The following PHTF2 variants were observed in gnomAD, a reference collection of about 807,000 sequenced individuals.
The protein encoded by PHTF2 is protein PHTF2.
A neutral mutation model predicts 101.2 loss-of-function variants in PHTF2; 60 were observed. The ratio of observed to expected loss-of-function variants is 0.59; its 90% CI spans 0.48 to 0.73. The LOEUF (loss-of-function observed/expected upper bound fraction) is 0.73, where lower values mean the gene tolerates loss of function less well. Among genes scored for constraint, PHTF2 ranks in the 30% least tolerant of loss-of-function variants. PHTF2 has a pLI of 0.00. For synonymous variants in PHTF2, 311 were observed against 307.3 expected (o/e 1.01, Z -0.13); for missense variants, 747 against 908.7 (o/e 0.82, Z 2.29).
chr7:77,923,720 C>G (rs1803696999), intron 11 of PHTF2: 1 of 985,246 alleles, frequency 1.0e-6, no homozygotes. Context: ...TTTTGTCTTA[C>G]TGTATGTACT....
At chr7:77,839,887 TGG>T (rs1795739474) in intron 1 of PHTF2, among the ~76,000 whole-genome samples, 1 of 152,198 alleles carries the variant, frequency 6.6e-6, no homozygotes, top group South Asian at 2.1e-4. Flanking sequence ...TTGAATGAAT[TGG>T]TTTCTTGTAT....
intron 6 of PHTF2, among the ~76,000 whole-genome samples, chr7:77,901,311 G>T (rs1015764141): frequency 6.6e-6 from 1 of 152,136 alleles, no homozygotes; most frequent in Admixed American, 6.6e-5. Flanking sequence ...CCTTGATGAA[G>T]ACAAGAATAG....
rs562668035 is a variant in PHTF2, at chr7:77,906,722, C to T, written c.446-2071C>T. 1.2e-4 allele frequency among the ~76,000 whole-genome samples: 19 copies of T among 152,080 alleles called. No individual in the cohort carries two copies. In the East Asian group the frequency reaches 2.9e-3, roughly 23 times the overall value. ...CCCCTTTTAAAATTAGAGTTAATGG[C>T]ACGGTGAAACCCCATCTCTACTAAA... On this transcript the variant is annotated intron_variant, in intron 7 of 19. Coordinates refer to ENST00000416283, the Ensembl canonical transcript of PHTF2.
chr7:77,941,742 A>G (rs993693609), intron 15 of PHTF2, among the ~76,000 whole-genome samples: 1 of 152,026 alleles, frequency 6.6e-6, no homozygotes, highest in Non-Finnish European at 1.5e-5. Context: ...ATCATCTTCT[A>G]CCTCATGCTA....
intron 6 of PHTF2, among the ~76,000 whole-genome samples, 151 bp downstream of exon 5, chr7:77,900,931 G>A (rs562504128): frequency 6.6e-6 from 1 of 152,312 alleles, no homozygotes; most frequent in South Asian, 2.1e-4. Flanking sequence ...AGGCTTAATT[G>A]GTTCATGGTT....
At chr7:77,823,051 C>T (rs1172124505) in intron 1 of PHTF2, among the ~76,000 whole-genome samples, 4 of 151,092 alleles carry the variant, frequency 2.6e-5, no homozygotes, top group Admixed American at 6.6e-5. Flanking sequence ...ACTACAGGCG[C>T]CCGCTACCAC....
chr7:77,946,266 A>T (rs1283564010), intron 16 of PHTF2, among the ~76,000 whole-genome samples: 1 of 152,252 alleles, frequency 6.6e-6, no homozygotes, highest in Non-Finnish European at 1.5e-5. Context: ...TGATACAAGG[A>T]CTAGGAAGTA....
intron 2 of PHTF2, among the ~76,000 whole-genome samples, chr7:77,843,789 A>G (rs1445734220): frequency 2.0e-5 from 3 of 152,216 alleles, no homozygotes; most frequent in Non-Finnish European, 4.4e-5. Flanking sequence ...AATGTATACA[A>G]TATACATATA....
Position 77,868,629 on chromosome 7 carries a change from C to T in PHTF2, c.147+13795C>T, listed in dbSNP as rs114620455. 5.2e-3 allele frequency among the ~76,000 whole-genome samples: 796 copies of T among 152,156 alleles called. 7 individuals are homozygous for T. Among genetic ancestry groups the T allele is most frequent in the African/African-American group, 0.018 (734 of 41,524 alleles). ...TCTCATCTAAACAAGTAATTTGAAA[C>T]GGTTTCTGCTACTAAGAATAGCAAT... On this transcript the variant is annotated intron_variant, in intron 3 of 19. Coordinates refer to ENST00000416283, the Ensembl canonical transcript of PHTF2.
chr7:77,863,589 T>G (rs932825458), intron 3 of PHTF2, among the ~76,000 whole-genome samples: 1 of 152,108 alleles, frequency 6.6e-6, no homozygotes, highest in Non-Finnish European at 1.5e-5. Context: ...TTTTCTTCCC[T>G]GTCCACCTCA....
chr7:77,884,751 T>C lies in PHTF2; in HGVS notation c.148-8857T>C, dbSNP rs540445958. Among the ~76,000 whole-genome samples the C allele has an allele frequency of 1.9e-4, 29 of 152,182 alleles. No homozygotes were observed. The South Asian group carries it at 6.0e-3, about 32-fold the overall frequency. Reference sequence around the variant, plus strand: ...GTCTTTACCAAAAATGTTAAAAAATTAGCCGGATGTGGTGGTGGGCACCTG... The same window carrying C: ...GTCTTTACCAAAAATGTTAAAAAATCAGCCGGATGTGGTGGTGGGCACCTG... On this transcript the variant is annotated intron_variant, in intron 3 of 19. Transcript: ENST00000416283.
intron 1 of PHTF2, among the ~76,000 whole-genome samples, chr7:77,808,905 T>G (rs773704841): frequency 2.6e-5 from 4 of 152,306 alleles, no homozygotes; most frequent in Admixed American, 2.0e-4. Flanking sequence ...TTTCTAACTT[T>G]TTAGTTTTTA....
At chr7:77,921,660 T>C (rs1803474444) in intron 10 of PHTF2, among the ~76,000 whole-genome samples, 1 of 152,232 alleles carries the variant, frequency 6.6e-6, no homozygotes, top group African/African-American at 2.4e-5. Flanking sequence ...CTCTCATCAC[T>C]GTTATTCAGC....
chr7:77,917,502 T>C (rs1373380818), intron 9 of PHTF2, among the ~76,000 whole-genome samples: 1 of 152,234 alleles, frequency 6.6e-6, no homozygotes, highest in African/African-American at 2.4e-5. Context: ...TCAATTTGCA[T>C]TGATAGCTCC....
chr7:77,848,756 A>G (rs1483170079), intron 2 of PHTF2, among the ~76,000 whole-genome samples: 1 of 152,156 alleles, frequency 6.6e-6, no homozygotes, highest in Non-Finnish European at 1.5e-5. Context: ...GTGCTTTGGT[A>G]GTATTACTCA....
intron 2 of PHTF2, among the ~76,000 whole-genome samples, chr7:77,848,733 A>T (rs912704164): frequency 2.0e-5 from 3 of 152,120 alleles, no homozygotes; most frequent in South Asian, 4.1e-4. Context: ...GTCCATTTTT[A>T]CTTTGGTTGC....
chr7:77,835,085 C>T (rs1795348184), intron 1 of PHTF2, among the ~76,000 whole-genome samples: 1 of 151,882 alleles, frequency 6.6e-6, no homozygotes, highest in African/African-American at 2.4e-5. Flanking sequence ...CCAGCCTGGC[C>T]AACAGGGTGA....
At chr7:77,858,337 A>G (rs953639985) in intron 3 of PHTF2, among the ~76,000 whole-genome samples, 1 of 152,214 alleles carries the variant, frequency 6.6e-6, no homozygotes, top group African/African-American at 2.4e-5. Flanking sequence ...TTTACAAGGA[A>G]AAAAGAAACT....
chr7:77,937,722 T>C, exon 13 of PHTF2: 1 of 1,358,926 alleles, frequency 7.4e-7, no homozygotes. Context: ...TCATTTGCCC[T>C]GGCTCCATAG....
Sources: allele counts gnomAD v4.1 joint callset (sites outside exome capture counted in the v4.1 genomes callset), GRCh38; gene constraint gnomAD v4.1.1; transcripts MANE v1.5; gene names NCBI Gene and HGNC (gene_info 2026-07-23, HGNC 2026-07-21).